Variants in RSPO3 observed in about 807,000 individuals in gnomAD.
The protein encoded by RSPO3 is R-spondin 3.
Under a neutral mutation model 36.5 loss-of-function variants are expected in RSPO3, and 17 were observed. The observed-to-expected ratio is 0.47, with a 90% CI of 0.32 to 0.70. The LOEUF (loss-of-function observed/expected upper bound fraction) is 0.70. RSPO3 is among the 30% of genes least tolerant of loss of function. The probability of loss-of-function intolerance (pLI) is 0.04; values close to 1 mark genes in which losing one functional copy is unlikely to be tolerated. For missense variants in RSPO3, 294 were observed against 322.5 expected, an observed-to-expected ratio of 0.91 and a Z score of 0.68; for synonymous variants, 108 against 107.0, an observed-to-expected ratio of 1.01 and a Z score of -0.06.
chr6:127,121,067 G>A (rs1198978628), intron 1 of RSPO3, among the ~76,000 whole-genome samples: 2 of 152,176 alleles, frequency 1.3e-5, no homozygotes, highest in African/African-American at 4.8e-5. Context: ...TCCAGCCCGT[G>A]CCCATTGGGC....
intron 3 of RSPO3, among the ~76,000 whole-genome samples, chr6:127,152,656 G>C (rs960934359): frequency 2.6e-5 from 4 of 152,076 alleles, no homozygotes; most frequent in African/African-American, 9.7e-5. Context: ...AAATTGAGAG[G>C]AAAGGTCATA....
chr6:127,174,764 A>AT (rs780660777), intron 4 of RSPO3, among the ~76,000 whole-genome samples: 16 of 151,810 alleles, frequency 1.1e-4, no homozygotes, highest in South Asian at 2.1e-4. Context: ...TCACCAACAC[A>AT]TTTTTTTAAA....
At chr6:127,165,366 A>T (rs1002959476) in intron 4 of RSPO3, among the ~76,000 whole-genome samples, 1 of 152,084 alleles carries the variant, frequency 6.6e-6, no homozygotes, top group African/African-American at 2.4e-5. Flanking sequence ...GTACAATTGT[A>T]AACATCTGCT....
chr6:127,170,296 A>AT (rs1276297586), intron 4 of RSPO3, among the ~76,000 whole-genome samples: 4 of 151,740 alleles, frequency 2.6e-5, no homozygotes, highest in Admixed American at 2.6e-4. Context: ...GTAGAGCCCA[A>AT]TTTATACAAT....
At chr6:127,188,540 G>T (rs1296298258) in intron 4 of RSPO3, among the ~76,000 whole-genome samples, 1 of 150,552 alleles carries the variant, frequency 6.6e-6, no homozygotes, top group East Asian at 1.9e-4. Context: ...GTAGTCTAAT[G>T]GAAAATTATT....
At chr6:127,134,560 A>T (rs892163768) in intron 1 of RSPO3, among the ~76,000 whole-genome samples, 7 of 152,224 alleles carry the variant, frequency 4.6e-5, no homozygotes, top group Admixed American at 1.3e-4. Flanking sequence ...AATATATGTC[A>T]ACAAGTTATT....
At chr6:127,163,312 G>A (rs1022618534) in intron 4 of RSPO3, among the ~76,000 whole-genome samples, 4 of 151,940 alleles carry the variant, frequency 2.6e-5, no homozygotes, top group African/African-American at 7.3e-5. Context: ...TTTGACATAG[G>A]GGACACCCCA....
chr6:127,192,601 T>C (rs1354333344), intron 4 of RSPO3: 3 of 942,970 alleles, frequency 3.2e-6, no homozygotes, highest in East Asian at 1.2e-4. Flanking sequence ...TGACTGCTAA[T>C]AGCAAATTCT....
chr6:127,186,202 C>T (rs1317730986), intron 4 of RSPO3, among the ~76,000 whole-genome samples: 2 of 151,976 alleles, frequency 1.3e-5, no homozygotes, highest in African/African-American at 2.4e-5. Flanking sequence ...CTTAGTGATT[C>T]TTAGAAAAAA....
chr6:127,123,710 T>C (rs565469827), intron 1 of RSPO3, among the ~76,000 whole-genome samples: 3 of 152,094 alleles, frequency 2.0e-5, no homozygotes, highest in Non-Finnish European at 4.4e-5. Context: ...ATGAAACTGA[T>C]TTAATGTTGT....
intron 4 of RSPO3, among the ~76,000 whole-genome samples, chr6:127,170,187 C>T (rs1774907740): frequency 6.6e-6 from 1 of 151,660 alleles, no homozygotes; most frequent in Admixed American, 6.6e-5. Context: ...GATTGCTTGG[C>T]TATCTACAGA....
At position 127,196,270 on chromosome 6, in the gene RSPO3, A is replaced by C; in HGVS notation, c.*263A>C. 4.0e-6 allele frequency: 1 copy of C among 251,886 alleles called. No individual in the cohort carries two copies. The allele number at this position is 251,886 out of a possible 1,614,324, so 15.6% of individuals were successfully genotyped here. A position where few individuals can be genotyped will look rare whatever the true frequency, so the allele number is the denominator to read the frequency against. On this transcript the variant is annotated 3_prime_UTR_variant, in exon 5 of 5. Transcript: ENST00000356698. ...CAAGACATTCTTGTACATATTATCA[A>C]TAGGCTATAAGATGTAACAACGAAA...
intron 1 of RSPO3, among the ~76,000 whole-genome samples, chr6:127,126,257 T>A (rs1773937346): frequency 6.6e-6 from 1 of 152,064 alleles, no homozygotes; most frequent in African/African-American, 2.4e-5. Flanking sequence ...TGAACACAAG[T>A]ACTTCAGAGT....
chr6:127,197,392 C>T lies in RSPO3; in HGVS notation c.*1385C>T. ...CTGCATCTTCAACATTTAGTCTTTT[C>T]TTCTCCATATTTTCTATCTGTGGAT... On this transcript the variant is annotated 3_prime_UTR_variant, in exon 5 of 5. Coordinates refer to ENST00000356698, the MANE Select transcript of RSPO3 (RefSeq NM_032784.5). 1.9e-6 allele frequency: 3 copies of T among 1,549,436 alleles called. No individual in the cohort carries two copies. Among genetic ancestry groups the T allele is most frequent in the Non-Finnish European group, 2.6e-6 (3 of 1,146,528 alleles).
chr6:127,194,225 T>G (rs1476511162), intron 4 of RSPO3, among the ~76,000 whole-genome samples: 3 of 152,198 alleles, frequency 2.0e-5, no homozygotes, highest in Non-Finnish European at 4.4e-5. Flanking sequence ...ACCACTGAAT[T>G]CAATATTTGC....
chr6:127,190,917 C>A (rs1775396918), intron 4 of RSPO3, among the ~76,000 whole-genome samples: 1 of 152,122 alleles, frequency 6.6e-6, no homozygotes, highest in Non-Finnish European at 1.5e-5. Flanking sequence ...CTAGGGAAAG[C>A]AACTCTTTTT....
chr6:127,120,909 G>C (rs1268125406), intron 1 of RSPO3, among the ~76,000 whole-genome samples: 1 of 152,260 alleles, frequency 6.6e-6, no homozygotes, highest in Non-Finnish European at 1.5e-5. Flanking sequence ...GACGCGGAAG[G>C]GGAGGCCTGG....
intron 1 of RSPO3, among the ~76,000 whole-genome samples, chr6:127,142,794 TTTTGTTTG>T (rs534279203): frequency 3.3e-5 from 5 of 152,044 alleles, no homozygotes; most frequent in African/African-American, 9.7e-5. Flanking sequence ...TGGTTGTTTT[TTTTGTTTG>T]TTTGTTTGTT....
At position 127,198,564 on chromosome 6, in the gene RSPO3, T is replaced by G. The variant is rs939577355; in HGVS notation, c.*2557T>G. Among the ~76,000 whole-genome samples, 5 of 152,222 alleles carry G rather than the reference T, an allele frequency of 3.3e-5. No individual in the cohort carries two copies. The highest frequency in any genetic ancestry group is 3.3e-4 in the Admixed American group (5 of 15,286). On this transcript the variant is annotated 3_prime_UTR_variant, in exon 5 of 5. Transcript: ENST00000356698. ...CATCAACAGATGGTCGGTAAATTAT[T>G]GATTCGAAGAATCGAGAGAGTGCAG...
Sources: allele counts gnomAD v4.1 joint callset (sites outside exome capture counted in the v4.1 genomes callset), GRCh38; gene constraint gnomAD v4.1.1; transcripts MANE v1.5; gene names NCBI Gene and HGNC (gene_info 2026-07-23, HGNC 2026-07-21).